CDKAL1: variants seen among roughly 807,000 people sequenced by gnomAD.
The protein encoded by CDKAL1 is CDKAL1 threonylcarbamoyladenosine tRNA methylthiotransferase, also known as threonylcarbamoyladenosine tRNA methylthiotransferase.
In CDKAL1, 32 loss-of-function variants were observed where a neutral mutation model predicts 68.2. That is an observed-to-expected ratio of 0.47 (90% CI 0.35 to 0.63). The LOEUF (loss-of-function observed/expected upper bound fraction) is 0.63, where lower values mean the gene tolerates loss of function less well. Ranked by LOEUF, CDKAL1 falls within the 30% of genes least tolerant of loss-of-function variation. The probability of loss-of-function intolerance (pLI) is 0.00; values close to 1 mark genes in which losing one functional copy is unlikely to be tolerated. For synonymous variants in CDKAL1, 234 were observed against 244.3 expected (o/e 0.96, Z 0.39); for missense variants, 606 against 696.7 (o/e 0.87, Z 1.47).
chr6:21,073,952 C>T (rs1195198576), intron 12 of CDKAL1, among the ~76,000 whole-genome samples: 1 of 152,128 alleles, frequency 6.6e-6, no homozygotes, highest in African/African-American at 2.4e-5. Context: ...ACTTGTGAAG[C>T]TGTTTCCTTG....
chr6:20,912,161 A>C (rs1158672539), intron 9 of CDKAL1, among the ~76,000 whole-genome samples: 1 of 152,060 alleles, frequency 6.6e-6, no homozygotes, highest in Non-Finnish European at 1.5e-5. Context: ...TTTTTTTACC[A>C]ATTTTATTAT....
intron 9 of CDKAL1, among the ~76,000 whole-genome samples, chr6:20,917,980 A>G (rs879898097): frequency 3.3e-5 from 5 of 152,226 alleles, no homozygotes; most frequent in Non-Finnish European, 7.3e-5. Context: ...GTATGGTGGC[A>G]CATGCCTGTG....
chr6:20,882,929 T>G (rs1406326782), intron 9 of CDKAL1, among the ~76,000 whole-genome samples: 1 of 152,188 alleles, frequency 6.6e-6, no homozygotes, highest in Admixed American at 6.5e-5. Context: ...AACTGAAAAA[T>G]TCTTTTATTT....
At chr6:20,545,251 G>A (rs1402374157) in intron 2 of CDKAL1, among the ~76,000 whole-genome samples, 2 of 151,678 alleles carry the variant, frequency 1.3e-5, no homozygotes, top group African/African-American at 4.8e-5. Context: ...AATGTCCAGA[G>A]TTTTATTTGT....
intron 13 of CDKAL1, among the ~76,000 whole-genome samples, chr6:21,152,577 C>G (rs1335594258): frequency 6.6e-6 from 1 of 152,232 alleles, no homozygotes; most frequent in Non-Finnish European, 1.5e-5. Context: ...ATGACAGCCC[C>G]TGCTCTCAAG....
At chr6:20,774,593 C>G (rs954051793) in intron 7 of CDKAL1, among the ~76,000 whole-genome samples, 1 of 152,080 alleles carries the variant, frequency 6.6e-6, no homozygotes, top group Non-Finnish European at 1.5e-5. Context: ...TCCTGAAGAT[C>G]GATAGACAGC....
At chr6:21,001,513 A>G (rs1045184236) in intron 11 of CDKAL1, among the ~76,000 whole-genome samples, 1 of 151,930 alleles carries the variant, frequency 6.6e-6, no homozygotes, top group East Asian at 1.9e-4. Context: ...GTGTACATTC[A>G]GACAAATACA....
chr6:20,829,421 T>C (rs1777623464), intron 8 of CDKAL1, among the ~76,000 whole-genome samples: 1 of 152,190 alleles, frequency 6.6e-6, no homozygotes, highest in Admixed American at 6.5e-5. Context: ...CCTAACAGAT[T>C]CATTTCGATT....
At chr6:20,804,801 C>T (rs551168681) in intron 8 of CDKAL1, among the ~76,000 whole-genome samples, 1 of 152,198 alleles carries the variant, frequency 6.6e-6, no homozygotes, top group African/African-American at 2.4e-5. Context: ...AGCCTGACTC[C>T]TAGAATTTTC....
At chr6:20,710,908 T>C (rs73732744) in intron 5 of CDKAL1, among the ~76,000 whole-genome samples, 2 of 152,306 alleles carry the variant, frequency 1.3e-5, no homozygotes, top group South Asian at 4.1e-4. Flanking sequence ...GTTCTGGTCC[T>C]ACCTATTGAC....
At chr6:20,913,335 G>T (rs1248778205) in intron 9 of CDKAL1, among the ~76,000 whole-genome samples, 3 of 152,150 alleles carry the variant, frequency 2.0e-5, no homozygotes, top group Non-Finnish European at 4.4e-5. Context: ...GTGGTTGTTG[G>T]TAGGATTCAG....
chr6:20,609,435 A>C (rs1581813769), intron 4 of CDKAL1, among the ~76,000 whole-genome samples: 13 of 128,490 alleles, frequency 1.0e-4, no homozygotes, highest in Admixed American at 2.7e-4. Context: ...TCACTCTGTC[A>C]CCCAGGCTAG....
At chr6:21,145,668 A>G (rs1776129735) in intron 13 of CDKAL1, among the ~76,000 whole-genome samples, 1 of 152,204 alleles carries the variant, frequency 6.6e-6, no homozygotes, top group South Asian at 2.1e-4. Flanking sequence ...TCACAGTCCA[A>G]AGAAGCAAAG....
At chr6:21,166,252 A>C (rs931906350) in intron 13 of CDKAL1, among the ~76,000 whole-genome samples, 5 of 152,196 alleles carry the variant, frequency 3.3e-5, no homozygotes, top group African/African-American at 1.2e-4. Context: ...CACTATTACC[A>C]GAAAATGAGG....
intron 7 of CDKAL1, among the ~76,000 whole-genome samples, chr6:20,766,665 T>A (rs114366606): frequency 0.028 from 4,258 of 152,326 alleles, 183 homozygotes; most frequent in African/African-American, 0.096. Context: ...TTTAGACTTT[T>A]GTGAAACTGT....
At chr6:20,544,488 C>T (rs1228987553) in intron 2 of CDKAL1, among the ~76,000 whole-genome samples, 3 of 147,780 alleles carry the variant, frequency 2.0e-5, no homozygotes, top group Non-Finnish European at 3.0e-5. Flanking sequence ...CCCAGCTACA[C>T]GGGAGGCTGA....
intron 13 of CDKAL1, among the ~76,000 whole-genome samples, chr6:21,195,635 C>T (rs1053836003): frequency 3.9e-5 from 6 of 151,980 alleles, no homozygotes; most frequent in African/African-American, 1.5e-4. Context: ...TTCAGCCTCT[C>T]GTGTAGCTGG....
At chr6:20,994,271 G>A (rs936077180) in intron 10 of CDKAL1, among the ~76,000 whole-genome samples, 1 of 152,202 alleles carries the variant, frequency 6.6e-6, no homozygotes, top group African/African-American at 2.4e-5. Flanking sequence ...CTGAGGTCAG[G>A]AGTTCGAGAC....
chr6:21,169,123 C>G (rs528942572), intron 13 of CDKAL1, among the ~76,000 whole-genome samples: 1 of 152,018 alleles, frequency 6.6e-6, no homozygotes, highest in Non-Finnish European at 1.5e-5. Context: ...CAGAAGCAAA[C>G]TAAAATGGTC....
Sources: gnomAD v4.1 joint callset for allele counts (sites outside exome capture counted in the v4.1 genomes callset) on GRCh38, gnomAD v4.1.1 for gene constraint, MANE v1.5 for transcripts, NCBI Gene and HGNC (gene_info 2026-07-23, HGNC 2026-07-21) for gene names.